ANK3: variants seen among roughly 807,000 people sequenced by gnomAD.
ANK3 encodes the protein ankyrin 3.
Under a neutral mutation model 370.9 loss-of-function variants are expected in ANK3, and 57 were observed. The ratio of observed to expected loss-of-function variants is 0.15; its 90% CI spans 0.12 to 0.19. The LOEUF is 0.19. Among genes scored for constraint, ANK3 ranks in the 10% least tolerant of loss-of-function variants. The pLI is 1.00. For missense variants in ANK3, 4,439 were observed against 5,302.1 expected (o/e 0.84, Z 5.06); for synonymous variants, 1,929 against 1,946.3 (o/e 0.99, Z 0.23).
At chr10:60,323,201 C>A (rs756552636) in intron 1 of ANK3, among the ~76,000 whole-genome samples, 3 of 152,158 alleles carry the variant, frequency 2.0e-5, no homozygotes, top group Non-Finnish European at 4.4e-5. Context: ...CTCTGGGGAA[C>A]TCTGAGAAAC....
chr10:60,563,122 C>G (rs2077377498), intron 2 of ANK3, among the ~76,000 whole-genome samples: 3 of 152,130 alleles, frequency 2.0e-5, no homozygotes, highest in Admixed American at 2.0e-4. Flanking sequence ...ATTAAATTCA[C>G]TGGGTTTTTA....
chr10:60,162,514 T>C (rs1285636112), intron 23 of ANK3, among the ~76,000 whole-genome samples: 1 of 152,220 alleles, frequency 6.6e-6, no homozygotes, highest in African/African-American at 2.4e-5. Context: ...TGGCTTCCAC[T>C]GGCCACCAAA....
chr10:60,371,243 G>A (rs1369835997), intron 1 of ANK3, among the ~76,000 whole-genome samples: 3 of 151,996 alleles, frequency 2.0e-5, no homozygotes, highest in African/African-American at 7.3e-5. Context: ...CATACGAGTG[G>A]CCAACAAACA....
intron 1 of ANK3, among the ~76,000 whole-genome samples, chr10:60,632,290 A>G (rs1489764131): frequency 6.6e-6 from 1 of 152,196 alleles, no homozygotes; most frequent in African/African-American, 2.4e-5. Context: ...ATCACATTTC[A>G]ATCTCTTCTA....
chr10:60,128,947 A>C (rs1264855643), intron 25 of ANK3, among the ~76,000 whole-genome samples: 2 of 152,228 alleles, frequency 1.3e-5, no homozygotes, highest in Non-Finnish European at 2.9e-5. Flanking sequence ...GCTGTACCAG[A>C]CAGTTGCTTT....
chr10:60,567,490 C>T (rs976734289), intron 2 of ANK3, among the ~76,000 whole-genome samples: 2 of 152,124 alleles, frequency 1.3e-5, no homozygotes, highest in Admixed American at 6.6e-5. Flanking sequence ...AATATTACTG[C>T]TCATTGACAA....
At chr10:60,067,439 G>A (rs1323195990) in intron 38 of ANK3, among the ~76,000 whole-genome samples, 1 of 152,030 alleles carries the variant, frequency 6.6e-6, no homozygotes. Flanking sequence ...AATAAACATA[G>A]AGTTTTATGT....
intron 2 of ANK3, among the ~76,000 whole-genome samples, chr10:60,510,055 A>T (rs1431879764): frequency 6.6e-6 from 1 of 151,840 alleles, no homozygotes; most frequent in Non-Finnish European, 1.5e-5. Context: ...TCTTTATAAC[A>T]TTTTGATTTT....
intron 2 of ANK3, among the ~76,000 whole-genome samples, chr10:60,483,511 T>C (rs189544644): frequency 1.1e-4 from 17 of 152,330 alleles, no homozygotes; most frequent in Admixed American, 7.2e-4. Flanking sequence ...ATTTTCAGCA[T>C]GGTTAAAAAT....
intron 16 of ANK3, among the ~76,000 whole-genome samples, chr10:60,190,880 AAT>A (rs1303918483): frequency 6.6e-6 from 1 of 152,204 alleles, no homozygotes; most frequent in Non-Finnish European, 1.5e-5. Flanking sequence ...CTGGTATAGA[AAT>A]ATATGCATAT....
At chr10:60,265,281 G>A (rs1423550584) in intron 5 of ANK3, among the ~76,000 whole-genome samples, 4 of 152,060 alleles carry the variant, frequency 2.6e-5, no homozygotes, top group Non-Finnish European at 5.9e-5. Context: ...CCTAGCCTCT[G>A]GTAACCACCA....
chr10:60,566,532 G>A (rs1239540583), intron 2 of ANK3, among the ~76,000 whole-genome samples: 1 of 152,168 alleles, frequency 6.6e-6, no homozygotes, highest in Non-Finnish European at 1.5e-5. Flanking sequence ...AAGCAAGATA[G>A]CCTTATTGCT....
At position 60,055,780 on chromosome 10, in the gene ANK3, T is replaced by G. The variant is rs749499038; in HGVS notation, c.12943A>C (p.Ile4315Leu). Residue 4315 changes from isoleucine to leucine, a missense_variant, in exon 42 of 44, where the codon ATA becomes CTA. By Grantham distance (5) the Ile-to-Leu change is conservative. Around this residue, in one of 13 missense-constraint regions of ANK3, gnomAD observed 242 missense variants for 228.0 expected, o/e 1.06. Coordinates refer to ENST00000280772, the MANE Select transcript of ANK3 (RefSeq NM_020987.5). ...KSLEETSKLI[I>L]EETKPCVPVS... ...GGCACACAGGGTTTAGTCTCTTCTA[T>G]TATAAGCTTGCTGGTTTCTTCTAGA... 2 of 1,614,176 alleles carry G rather than the reference T, an allele frequency of 1.2e-6. No homozygotes were observed. The highest frequency in any genetic ancestry group is 4.5e-5 in the East Asian group (2 of 44,878).
intron 43 of ANK3, among the ~76,000 whole-genome samples, chr10:60,041,375 C>T (rs767431609): frequency 1.3e-5 from 2 of 152,178 alleles, no homozygotes; most frequent in South Asian, 2.1e-4. Flanking sequence ...AAACCTTCCC[C>T]GTCACCTCCG....
chr10:60,535,128 A>C (rs1478132176), intron 2 of ANK3, among the ~76,000 whole-genome samples: 1 of 152,168 alleles, frequency 6.6e-6, no homozygotes, highest in Admixed American at 6.6e-5. Context: ...CTAGCAATAC[A>C]GGTCACTGTA....
chr10:60,353,162 T>G (rs922147582), intron 1 of ANK3, among the ~76,000 whole-genome samples: 2 of 150,152 alleles, frequency 1.3e-5, no homozygotes, highest in African/African-American at 4.9e-5. Context: ...TGTTTTGTTT[T>G]TTTTTTTTTT....
At chr10:60,719,645 A>G (rs1007849355) in intron 1 of ANK3, among the ~76,000 whole-genome samples, 1 of 152,132 alleles carries the variant, frequency 6.6e-6, no homozygotes, top group African/African-American at 2.4e-5. Flanking sequence ...TGAGGTGTCT[A>G]TTCATACCCC....
At chr10:60,135,444 G>C (rs1365719384) in intron 24 of ANK3, among the ~76,000 whole-genome samples, 1 of 152,246 alleles carries the variant, frequency 6.6e-6, no homozygotes, top group East Asian at 1.9e-4. Context: ...CTGAAGTCTA[G>C]AATTGGCTCC....
At chr10:60,559,012 A>C (rs1178082926) in intron 2 of ANK3, among the ~76,000 whole-genome samples, 1 of 152,216 alleles carries the variant, frequency 6.6e-6, no homozygotes, top group Non-Finnish European at 1.5e-5. Context: ...ATAGGCCCCC[A>C]AATTTCCTTT....
Sources: gnomAD v4.1 joint callset for allele counts (sites outside exome capture counted in the v4.1 genomes callset) on GRCh38, gnomAD v4.1.1 for gene constraint, gnomAD v4.1.1 regional missense constraint, MANE v1.5 for transcripts, NCBI Gene and HGNC (gene_info 2026-07-23, HGNC 2026-07-21) for gene names.